Variants in USP20 observed in about 807,000 individuals in gnomAD.
USP20 encodes ubiquitin carboxyl-terminal hydrolase 20.
In USP20, 80 loss-of-function variants were observed where a neutral mutation model predicts 124.2. That is an observed-to-expected ratio of 0.64 (90% CI 0.54 to 0.78). The LOEUF is 0.78. USP20 is among the 30% of genes least tolerant of loss of function. The probability of loss-of-function intolerance (pLI) is 0.00; values close to 1 mark genes in which losing one functional copy is unlikely to be tolerated. For missense variants in USP20, 1,043 were observed against 1,244.4 expected, an observed-to-expected ratio of 0.84 and a Z score of 2.44; for synonymous variants, 481 against 512.3, an observed-to-expected ratio of 0.94 and a Z score of 0.83.
At chr9:129,878,563 C>A in intron 23 of USP20, 123 bp downstream of exon 23, 2 of 824,758 alleles carry the variant, frequency 2.4e-6, no homozygotes, top group Non-Finnish European at 3.8e-6. Context: ...CAGGTGCCAC[C>A]CATCCAGGGT....
At chr9:129,842,249 T>G (rs917257364) in intron 1 of USP20, among the ~76,000 whole-genome samples, 3 of 152,204 alleles carry the variant, frequency 2.0e-5, no homozygotes, top group Non-Finnish European at 4.4e-5. Flanking sequence ...CCAGGGCTAC[T>G]TGTCCCTGTA....
At chr9:129,847,020 G>A (rs62586263) in intron 1 of USP20, among the ~76,000 whole-genome samples, 21,858 of 152,174 alleles carry the variant, frequency 0.14, 2,065 homozygotes, top group African/African-American at 0.26. Flanking sequence ...CATTGTATGG[G>A]TATATCATGT....
intron 6 of USP20, among the ~76,000 whole-genome samples, 156 bp from the exon 7 acceptor site, chr9:129,860,779 CTA>C (rs2033499498): frequency 6.6e-6 from 1 of 152,224 alleles, no homozygotes. Context: ...GCCACCAATC[CTA>C]TCTCTTTTCA....
In USP20 at chr9:129,861,624, C is replaced by T. The variant is rs139175848; in HGVS notation, c.497+12C>T. The T allele has an allele frequency of 9.9e-5, 160 of 1,613,726 alleles. 1 individual carries two copies. Among genetic ancestry groups the T allele is most frequent in the Non-Finnish European group, 1.2e-4 (143 of 1,179,810 alleles). On this transcript the variant is annotated intron_variant, in intron 8 of 25. Coordinates refer to ENST00000372429, the MANE Select transcript of USP20 (RefSeq NM_001110303.4). ...GCCCTGTCCAATTGGTAGGTCGACA[C>T]TTTGTCCGAGGGCCGAGAGCTGTCC... is the stretch of plus-strand genomic sequence containing the variant.
chr9:129,847,714 A>AT (rs1040078159), intron 1 of USP20, among the ~76,000 whole-genome samples: 62 of 152,282 alleles, frequency 4.1e-4, no homozygotes, highest in African/African-American at 1.5e-3. Flanking sequence ...TATACACTTG[A>AT]TTAAACCCCA....
intron 1 of USP20, among the ~76,000 whole-genome samples, chr9:129,845,195 C>A (rs1042516130): frequency 6.6e-6 from 1 of 152,022 alleles, no homozygotes; most frequent in Admixed American, 6.6e-5. Context: ...TCAGATGCTC[C>A]CACCCCTTCT....
chr9:129,844,658 C>T (rs1224924794), intron 1 of USP20, among the ~76,000 whole-genome samples: 2 of 148,794 alleles, frequency 1.3e-5, no homozygotes, highest in African/African-American at 4.9e-5. Context: ...ATTATATATT[C>T]GTACATGTAA....
chr9:129,868,479 A>G (rs1588277060), intron 11 of USP20, 30 bp downstream of exon 11: 6 of 1,594,424 alleles, frequency 3.8e-6, no homozygotes, highest in Non-Finnish European at 5.1e-6. Flanking sequence ...TGCGGGAGGA[A>G]CCTCAGCCTA....
intron 10 of USP20, among the ~76,000 whole-genome samples, chr9:129,867,716 C>T (rs1166520042): frequency 6.6e-6 from 1 of 152,148 alleles, no homozygotes; most frequent in Admixed American, 6.5e-5. Context: ...GATTCAGAGC[C>T]GGAGCCGGGG....
chr9:129,869,496 G>A, intron 13 of USP20, 71 bp downstream of exon 13: 1 of 1,553,794 alleles, frequency 6.4e-7, no homozygotes, highest in Non-Finnish European at 8.9e-7. Flanking sequence ...CCCTGACTGG[G>A]TGCAGGGTGG....
intron 3 of USP20, 21 bp from the exon 4 acceptor site, chr9:129,856,286 C>G (rs2033212332): frequency 8.1e-6 from 13 of 1,613,686 alleles, no homozygotes; most frequent in Non-Finnish European, 1.1e-5. Context: ...TGCTCTTTTT[C>G]TCTCCTCTCA....
chr9:129,876,704 C>T (rs2034426420), intron 22 of USP20, among the ~76,000 whole-genome samples: 1 of 151,354 alleles, frequency 6.6e-6, no homozygotes, highest in Admixed American at 6.6e-5. Flanking sequence ...GGCCAGGTGT[C>T]TAGGAGGGCT....
chr9:129,839,101 G>A lies in USP20; in HGVS notation c.-129+3602G>A, dbSNP rs1284340398. ...GGCCGGGGCTGTTTGTGACATCGTG[G>A]AGCTGAGTGTTCAGAGCATGGGCTT... is the stretch of plus-strand genomic sequence containing the variant. On this transcript the variant is annotated intron_variant, in intron 1 of 25. Coordinates refer to ENST00000372429, the MANE Select transcript of USP20 (RefSeq NM_001110303.4). The surrounding 1 kb of genome is among the most constrained non-coding windows in gnomAD (Gnocchi z 4.5). Among the ~76,000 whole-genome samples, 2 of 152,192 alleles carry A rather than the reference G, an allele frequency of 1.3e-5. No homozygotes were observed. The highest frequency in any genetic ancestry group is 2.9e-5 in the Non-Finnish European group (2 of 68,036).
At chr9:129,837,269 T>A (rs1035946011) in intron 1 of USP20, among the ~76,000 whole-genome samples, 2 of 152,234 alleles carry the variant, frequency 1.3e-5, no homozygotes, top group Non-Finnish European at 2.9e-5. Flanking sequence ...ATACAGGTTC[T>A]ATGCAGTTCA....
At chr9:129,848,578 G>C (rs866053597) in intron 1 of USP20, among the ~76,000 whole-genome samples, 1 of 151,832 alleles carries the variant, frequency 6.6e-6, no homozygotes, top group Non-Finnish European at 1.5e-5. Context: ...TCATGAACCC[G>C]GGAGGCAGAA....
At chr9:129,843,717 A>G (rs2032371671) in intron 1 of USP20, among the ~76,000 whole-genome samples, 1 of 152,136 alleles carries the variant, frequency 6.6e-6, no homozygotes, top group Non-Finnish European at 1.5e-5. Flanking sequence ...AGCCTGGGTA[A>G]CAAGAGTGAA....
At chr9:129,869,125 C>T (rs2033985038) in intron 12 of USP20, 123 bp downstream of exon 12, 1 of 1,435,430 alleles carries the variant, frequency 7.0e-7, no homozygotes, top group African/African-American at 1.4e-5. Context: ...AGGTACACCC[C>T]TGAGACACCA....
chr9:129,845,671 C>T (rs375377421), intron 1 of USP20, among the ~76,000 whole-genome samples: 6 of 151,914 alleles, frequency 3.9e-5, no homozygotes, highest in South Asian at 4.2e-4. Flanking sequence ...GGATTACAGG[C>T]GTGAGCCACT....
At chr9:129,870,906 C>T (rs927433933) in intron 15 of USP20, among the ~76,000 whole-genome samples, 36 of 152,084 alleles carry the variant, frequency 2.4e-4, no homozygotes, top group African/African-American at 8.4e-4. Context: ...ATTGCCCATT[C>T]CTGTTCTTGT....
Sources: gnomAD v4.1 joint callset for allele counts (sites outside exome capture counted in the v4.1 genomes callset) on GRCh38, gnomAD v4.1.1 for gene constraint, Gnocchi (gnomAD v3.1) non-coding constraint, MANE v1.5 for transcripts, NCBI Gene and HGNC (gene_info 2026-07-23, HGNC 2026-07-21) for gene names.